The following TFAP2C variants were observed in gnomAD, a reference collection of about 807,000 sequenced individuals.
TFAP2C encodes transcription factor AP-2 gamma, also known as activating enhancer-binding protein 2 gamma.
In TFAP2C, 9 loss-of-function variants were observed where a neutral mutation model predicts 42.9. The observed-to-expected ratio is 0.21, with a 90% CI of 0.13 to 0.37. The LOEUF (loss-of-function observed/expected upper bound fraction) is 0.37. Among genes scored for constraint, TFAP2C ranks in the 10% least tolerant of loss-of-function variants. TFAP2C has a pLI of 1.00. For missense variants in TFAP2C, 462 were observed against 591.7 expected (o/e 0.78, Z 2.27); for synonymous variants, 264 against 256.0 (o/e 1.03, Z -0.30).
At chr20:56,636,877 GC>G in intron 6 of TFAP2C, 123 bp downstream of exon 6, 1 of 1,263,190 alleles carries the variant, frequency 7.9e-7, no homozygotes. Context: ...TTAGGGTGGA[GC>G]AAAAGAAAAT....
rs1286135317 is a variant in TFAP2C, at chr20:56,629,915, C to T, written c.48+323C>T. On this transcript the variant is annotated intron_variant, in intron 1 of 6. Coordinates refer to ENST00000201031, the MANE Select transcript of TFAP2C (RefSeq NM_003222.4). The surrounding 1 kb of genome is among the most constrained non-coding windows in gnomAD (Gnocchi z 5.9). ...AAGTGCCCCGTCTGCAACCCTCAGA[C>T]GTGGCTTTTACGCACGAAGTCTCTG... Among the ~76,000 whole-genome samples the T allele has an allele frequency of 6.6e-6, 1 of 152,146 alleles. No homozygotes were observed. The highest frequency in any genetic ancestry group is 1.5e-5 in the Non-Finnish European group (1 of 68,030).
chr20:56,634,115 T>G lies in TFAP2C; in HGVS notation c.804-35T>G, dbSNP rs757835751. ...GTGCGTGTGTATGTGTTTTTGTTTT[T>G]GAGAGTAGCCAGAGTCAATTTTTCT... On this transcript the variant is annotated intron_variant, in intron 4 of 6. Transcript: ENST00000201031. 3.3e-6 allele frequency: 5 copies of G among 1,497,830 alleles called. No homozygotes were observed. The Admixed American group carries it at 5.4e-5, about 16-fold the overall frequency. 92.8% of individuals were successfully genotyped at this position (1,497,830 alleles called of 1,614,324 possible).
chr20:56,631,403 T>C lies in TFAP2C; in HGVS notation c.247T>C (p.Tyr83His). 1 of 1,606,788 alleles carries C rather than the reference T, an allele frequency of 6.2e-7. No individual in the cohort carries two copies. Reference protein sequence around the residue: ...ADPYSHLGEAYAAAINPLHQP... With the variant: ...ADPYSHLGEAHAAAINPLHQP... Reference sequence around the variant, plus strand: ...CCCCTACTCGCATCTGGGGGAAGCGTACGCCGCCGCCATCAACCCCCTGCA... The same window carrying C: ...CCCCTACTCGCATCTGGGGGAAGCGCACGCCGCCGCCATCAACCCCCTGCA... The change falls in exon 2 of 7, where the codon TAC (tyrosine) becomes CAC (histidine). Residue 83 changes from tyrosine (Y) to histidine (H), a missense_variant. By Grantham distance (83) the Tyr-to-His change is moderately conservative. Coordinates refer to ENST00000201031, the MANE Select transcript of TFAP2C (RefSeq NM_003222.4). This position sits in a 1 kb window ranked among gnomAD's most constrained non-coding sequence, Gnocchi z 6.1.
intron 6 of TFAP2C, 137 bp downstream of exon 6, chr20:56,636,891 C>G (rs1249332163): frequency 9.2e-7 from 1 of 1,081,252 alleles, no homozygotes; most frequent in Non-Finnish European, 1.3e-6. Context: ...AAGAAAATGG[C>G]AAGGGAGCTT....
intron 5 of TFAP2C, among the ~76,000 whole-genome samples, chr20:56,634,915 A>G (rs1245249948): frequency 6.6e-6 from 1 of 152,172 alleles, no homozygotes; most frequent in Non-Finnish European, 1.5e-5. Flanking sequence ...ATGCAACACA[A>G]CCTTTAAAAG....
Position 56,638,127 on chromosome 20 carries a change from C to A in TFAP2C, c.*114C>A. On this transcript the variant is annotated 3_prime_UTR_variant, in exon 7 of 7. Coordinates refer to ENST00000201031, the MANE Select transcript of TFAP2C (RefSeq NM_003222.4). ...CCTGGGGGAAGAGTTTGTTACCTAC[C>A]TTACTATTTAAAGAGCCTTCACTGG... is the stretch of plus-strand genomic sequence containing the variant. 1 of 946,364 alleles carries A rather than the reference C, an allele frequency of 1.1e-6. No homozygotes were observed. The highest frequency in any genetic ancestry group is 1.5e-6 in the Non-Finnish European group (1 of 646,830). The allele number at this position is 946,364 out of a possible 1,614,324, so 58.6% of individuals were successfully genotyped here. A position where few individuals can be genotyped will look rare whatever the true frequency, so the allele number is the denominator to read the frequency against.
intron 5 of TFAP2C, among the ~76,000 whole-genome samples, chr20:56,635,241 C>G (rs1987562534): frequency 6.6e-6 from 1 of 152,154 alleles, no homozygotes; most frequent in South Asian, 2.1e-4. Context: ...GGCGGTTCTG[C>G]TGGGGTTTCT....
intron 5 of TFAP2C, among the ~76,000 whole-genome samples, chr20:56,634,560 C>T (rs536116894): frequency 1.3e-5 from 2 of 152,270 alleles, no homozygotes; most frequent in East Asian, 1.9e-4. Context: ...GGGGTGTCGG[C>T]ATTTCCTGTT....
rs956812063 is a variant in TFAP2C at position 56,629,664 on chromosome 20, G to C, written c.48+72G>C. ...CGGGAGGCAGGGGCCACTGGACCGAGGTCGGGGACGAGGGCATAGGAGCCC... is the reference window on the plus strand; with the variant it reads ...CGGGAGGCAGGGGCCACTGGACCGACGTCGGGGACGAGGGCATAGGAGCCC... On this transcript the variant is annotated intron_variant, in intron 1 of 6. Coordinates refer to ENST00000201031, the MANE Select transcript of TFAP2C (RefSeq NM_003222.4). The surrounding 1 kb of genome is among the most constrained non-coding windows in gnomAD (Gnocchi z 5.9). 8.0e-7 allele frequency: 1 copy of C among 1,249,314 alleles called. No individual in the cohort carries two copies. Among genetic ancestry groups the C allele is most frequent in the Non-Finnish European group, 1.0e-6 (1 of 962,308 alleles). The allele number at this position is 1,249,314 out of a possible 1,614,324, so 77.4% of individuals were successfully genotyped here.
chr20:56,636,521 G>C, intron 5 of TFAP2C, 89 bp from the exon 6 acceptor site: 2 of 1,313,904 alleles, frequency 1.5e-6, no homozygotes, highest in African/African-American at 2.2e-5. Context: ...GCGAGACTCC[G>C]TGTCAAAAAA....
chr20:56,634,466 T>C (rs1484353274), intron 5 of TFAP2C, among the ~76,000 whole-genome samples, 198 bp downstream of exon 5: 1 of 152,258 alleles, frequency 6.6e-6, no homozygotes, highest in East Asian at 1.9e-4. Flanking sequence ...AGTATCTGGT[T>C]GCTCAGGTAG....
intron 5 of TFAP2C, 99 bp from the exon 6 acceptor site, chr20:56,636,511 G>C: frequency 2.2e-6 from 3 of 1,341,784 alleles, no homozygotes; most frequent in Non-Finnish European, 3.0e-6. Context: ...GGGCAACAGA[G>C]CGAGACTCCG....
chr20:56,631,725 C>T lies in TFAP2C; in HGVS notation c.534+35C>T. ...GCTGCGGCTCCTGACCGGACCTGTT[C>T]ACCCTACGGCCTTCTGCCCCCACCC... is the stretch of plus-strand genomic sequence containing the variant. On this transcript the variant is annotated intron_variant, in intron 2 of 6. Transcript: ENST00000201031. This position sits in a 1 kb window ranked among gnomAD's most constrained non-coding sequence, Gnocchi z 6.1. The T allele has an allele frequency of 6.2e-7, 1 of 1,608,484 alleles. No homozygotes were observed. The highest frequency in any genetic ancestry group is 8.5e-7 in the Non-Finnish European group (1 of 1,177,634).
intron 6 of TFAP2C, 63 bp downstream of exon 6, chr20:56,636,817 TC>T: frequency 6.5e-7 from 1 of 1,543,192 alleles, no homozygotes; most frequent in Non-Finnish European, 8.8e-7. Flanking sequence ...TTGAGAAGAT[TC>T]CCCCTCCACA....
rs1270056472 is a variant in TFAP2C at position 56,629,638 on chromosome 20, C to A, written c.48+46C>A. The A allele has an allele frequency of 1.5e-6, 2 of 1,367,786 alleles. No homozygotes were observed. Among genetic ancestry groups the A allele is most frequent in the South Asian group, 2.1e-5 (1 of 48,358 alleles). 84.7% of individuals were successfully genotyped at this position (1,367,786 alleles called of 1,614,324 possible). The stretch of plus-strand genomic sequence containing the variant: ...GCAGCCCCGCCCCGCCGAGGACAGT[C>A]CGGGAGGCAGGGGCCACTGGACCGA... On this transcript the variant is annotated intron_variant, in intron 1 of 6. Transcript: ENST00000201031. This position sits in a 1 kb window ranked among gnomAD's most constrained non-coding sequence, Gnocchi z 5.9.
rs756905166 is a variant in TFAP2C, at chr20:56,633,457, T to C, written c.691T>C (p.Leu231=). The change falls in exon 4 of 7, where the codon TTG becomes CTG. Residue 231 remains leucine, a synonymous_variant. Transcript: ENST00000201031. ...GGTCTTCTGCTCAGTCCCTGGAAGA[T>C]TGTCGCTCCTCAGCTCTACGTCTAA... ...TEVFCSVPGR[L]SLLSSTSKYK... 1 of 1,614,104 alleles carries C rather than the reference T, an allele frequency of 6.2e-7. No homozygotes were observed. The highest frequency in any genetic ancestry group is 2.2e-5 in the East Asian group (1 of 44,880).
In TFAP2C at chr20:56,631,176, G is replaced by A. The variant is rs770229453; in HGVS notation, c.49-29G>A. The A allele has an allele frequency of 6.7e-7, 1 of 1,491,956 alleles. No individual in the cohort carries two copies. The allele number at this position is 1,491,956 out of a possible 1,614,324, so 92.4% of individuals were successfully genotyped here. The stretch of plus-strand genomic sequence containing the variant: ...GCAGTAGCGGGGTTTCGCACTAACG[G>A]GGTCTCCTGTTTTTTTTTTTCCCTC... On this transcript the variant is annotated intron_variant, in intron 1 of 6. Coordinates refer to ENST00000201031, the MANE Select transcript of TFAP2C (RefSeq NM_003222.4). The surrounding 1 kb of genome is among the most constrained non-coding windows in gnomAD (Gnocchi z 6.1).
chr20:56,633,140 T>C (rs1987524425), intron 3 of TFAP2C, among the ~76,000 whole-genome samples: 1 of 151,448 alleles, frequency 6.6e-6, no homozygotes, highest in African/African-American at 2.4e-5. Flanking sequence ...GAGGCTGCAG[T>C]GAGCAGAGAT....
chr20:56,636,893 A>G, intron 6 of TFAP2C, 139 bp downstream of exon 6: 1 of 1,077,000 alleles, frequency 9.3e-7, no homozygotes, highest in Non-Finnish European at 1.3e-6. Flanking sequence ...GAAAATGGCA[A>G]GGGAGCTTCT....
Sources: gnomAD v4.1 joint callset for allele counts (sites outside exome capture counted in the v4.1 genomes callset) on GRCh38, gnomAD v4.1.1 for gene constraint, Gnocchi (gnomAD v3.1) non-coding constraint, MANE v1.5 for transcripts, NCBI Gene and HGNC (gene_info 2026-07-23, HGNC 2026-07-21) for gene names.